Variants in FAT4 observed in about 807,000 individuals in gnomAD.
The protein encoded by FAT4 is protocadherin Fat 4.
FAT4 carries 84 observed loss-of-function variants against 303.9 expected under a neutral mutation model. The ratio of observed to expected loss-of-function variants is 0.28; its 90% confidence interval spans 0.23 to 0.33. FAT4 has a LOEUF of 0.33. Ranked by LOEUF, FAT4 falls within the 10% of genes least tolerant of loss-of-function variation. The probability of loss-of-function intolerance (pLI) is 1.00; values close to 1 mark genes in which losing one functional copy is unlikely to be tolerated. For missense variants in FAT4, 6,005 were observed against 6,146.8 expected (o/e 0.98, Z 0.77); for synonymous variants, 2,307 against 2,298.8 (o/e 1.00, Z -0.10).
At chr4:125,430,538 A>T (rs1217905378) in intron 7 of FAT4, among the ~76,000 whole-genome samples, 1 of 152,152 alleles carries the variant, frequency 6.6e-6, no homozygotes, top group Admixed American at 6.5e-5. Context: ...GTAGAACAAA[A>T]TTTCTGTAAG....
At position 125,396,926 on chromosome 4, in the gene FAT4, GTATATA is replaced by G. The variant is rs66744105; in HGVS notation, c.5176-1823_5176-1818del. On this transcript the variant is annotated intron_variant, in intron 2 of 17. Coordinates refer to ENST00000394329, the MANE Select transcript of FAT4 (RefSeq NM_001291303.3). ...CATATATGTATGTGTATGTGTGTGT[GTATATA>G]TATATATATATATATATATATATAT... 8.3e-3 allele frequency among the ~76,000 whole-genome samples: 1,187 copies of G among 143,862 alleles called. 14 individuals are homozygous for G. Among genetic ancestry groups the G allele is most frequent in the African/African-American group, 0.013 (504 of 38,914 alleles). The allele number at this position is 143,862 out of a possible 152,430, so 94.4% of individuals were successfully genotyped here. A position where few individuals can be genotyped will look rare whatever the true frequency, so the allele number is the denominator to read the frequency against.
At chr4:125,447,991 A>G (rs1404583895) in intron 9 of FAT4, among the ~76,000 whole-genome samples, 1 of 152,144 alleles carries the variant, frequency 6.6e-6, no homozygotes, top group Non-Finnish European at 1.5e-5. Flanking sequence ...GGTAATGAAC[A>G]TGATTTTTGT....
chr4:125,467,330 C>T (rs990939909), intron 11 of FAT4, among the ~76,000 whole-genome samples: 2 of 152,152 alleles, frequency 1.3e-5, no homozygotes, highest in African/African-American at 4.8e-5. Context: ...TTGGTTCCTT[C>T]TAGCTGAACA....
chr4:125,464,318 A>C (rs557345729), intron 11 of FAT4, among the ~76,000 whole-genome samples: 65 of 152,138 alleles, frequency 4.3e-4, no homozygotes, highest in Non-Finnish European at 8.4e-4. Context: ...GATTCCTTCC[A>C]GGTCTTATCC....
At chr4:125,376,085 A>G (rs1052606431) in intron 2 of FAT4, among the ~76,000 whole-genome samples, 4 of 152,228 alleles carry the variant, frequency 2.6e-5, no homozygotes, top group Admixed American at 2.6e-4. Flanking sequence ...AGCCATATCT[A>G]GCTATTGCTG....
intron 14 of FAT4, 40 bp from the exon 15 acceptor site, chr4:125,479,700 TC>T (rs1477465090): frequency 6.8e-7 from 1 of 1,475,188 alleles, no homozygotes. Context: ...CTTCTCCTCA[TC>T]TTTTATGTGC....
chr4:125,412,069 A>C (rs1408992500), intron 5 of FAT4, among the ~76,000 whole-genome samples: 1 of 151,804 alleles, frequency 6.6e-6, no homozygotes, highest in Non-Finnish European at 1.5e-5. Context: ...CAATGTAAAA[A>C]TAATAATTTT....
At chr4:125,328,116 A>G (rs1050012146) in intron 2 of FAT4, among the ~76,000 whole-genome samples, 1 of 152,240 alleles carries the variant, frequency 6.6e-6, no homozygotes, top group African/African-American at 2.4e-5. Context: ...TAAAGTGTCC[A>G]ATATAGAATA....
rs553898379 is a variant in FAT4, at chr4:125,449,098, C to T, written c.8088C>T (p.Asp2696=). ...AAATACTTACTGTTTCGGCAATGGA[C>T]AAGGACAGTGGACCCAATGGACAGT... The part of the protein sequence containing the change: ...PRKILTVSAM[D]KDSGPNGQLD... The change falls in exon 10 of 18, where the codon GAC becomes GAT. Residue 2696 remains aspartate (D), a synonymous_variant. Transcript: ENST00000394329. The T allele has an allele frequency of 1.2e-6, 2 of 1,613,868 alleles. No individual in the cohort carries two copies. Among genetic ancestry groups the T allele is most frequent in the South Asian group, 2.2e-5 (2 of 91,076 alleles).
intron 8 of FAT4, among the ~76,000 whole-genome samples, chr4:125,435,250 C>G (rs1486383223): frequency 1.3e-5 from 2 of 152,030 alleles, no homozygotes; most frequent in Non-Finnish European, 2.9e-5. Flanking sequence ...CTAGATTGTC[C>G]CCTTCTTCCA....
chr4:125,398,678 A>G (rs935762394), intron 2 of FAT4, 106 bp from the exon 3 acceptor site: 27 of 1,105,968 alleles, frequency 2.4e-5, no homozygotes, highest in Non-Finnish European at 3.4e-5. Context: ...CAAAGGTTCC[A>G]ATTCATTTTG....
intron 2 of FAT4, among the ~76,000 whole-genome samples, chr4:125,350,048 T>C (rs1284914572): frequency 6.6e-6 from 1 of 151,736 alleles, no homozygotes; most frequent in East Asian, 1.9e-4. Flanking sequence ...AGTTTGGTTA[T>C]TTGGCACTTC....
chr4:125,328,589 T>C (rs1731253326), intron 2 of FAT4, among the ~76,000 whole-genome samples: 1 of 152,206 alleles, frequency 6.6e-6, no homozygotes, highest in African/African-American at 2.4e-5. Context: ...TTTTTGATGA[T>C]TGTTACAGAT....
intron 3 of FAT4, among the ~76,000 whole-genome samples, chr4:125,404,368 C>T (rs184733734): frequency 6.6e-6 from 1 of 152,182 alleles, no homozygotes. Context: ...GGTTCCTTGG[C>T]TGTAGAATTG....
At chr4:125,371,105 G>A (rs190555036) in intron 2 of FAT4, among the ~76,000 whole-genome samples, 10 of 140,636 alleles carry the variant, frequency 7.1e-5, no homozygotes, top group South Asian at 2.2e-4. Flanking sequence ...CTGAGATCGC[G>A]CCATTGCACT....
At chr4:125,439,550 A>G (rs1030369417) in intron 8 of FAT4, among the ~76,000 whole-genome samples, 1 of 151,580 alleles carries the variant, frequency 6.6e-6, no homozygotes, top group Non-Finnish European at 1.5e-5. Context: ...CGTGTTAGCC[A>G]GGATGGTCTC....
intron 12 of FAT4, among the ~76,000 whole-genome samples, chr4:125,470,024 T>G (rs1198275697): frequency 6.6e-6 from 1 of 152,226 alleles, no homozygotes; most frequent in Non-Finnish European, 1.5e-5. Flanking sequence ...ATCCATAGGC[T>G]GTAGTCTGGA....
At chr4:125,422,273 A>C (rs1724929776) in intron 7 of FAT4, among the ~76,000 whole-genome samples, 1 of 152,242 alleles carries the variant, frequency 6.6e-6, no homozygotes, top group African/African-American at 2.4e-5. Context: ...CATTAATTAA[A>C]ATCAAACTAT....
intron 14 of FAT4, among the ~76,000 whole-genome samples, chr4:125,478,077 A>G (rs1727095875): frequency 6.6e-6 from 1 of 152,210 alleles, no homozygotes; most frequent in African/African-American, 2.4e-5. Flanking sequence ...TTATTAATAT[A>G]CCAATTACCC....
Sources: allele counts gnomAD v4.1 joint callset (sites outside exome capture counted in the v4.1 genomes callset), GRCh38; gene constraint gnomAD v4.1.1; transcripts MANE v1.5; gene names NCBI Gene and HGNC (gene_info 2026-07-23, HGNC 2026-07-21).